The following RANBP17 variants were observed in gnomAD, a reference collection of about 807,000 sequenced individuals.
RANBP17 encodes RAN binding protein 17.
RANBP17 carries 158 observed loss-of-function variants against 141.2 expected under a neutral mutation model. The ratio of observed to expected loss-of-function variants is 1.12; its 90% CI spans 0.98 to 1.28. The LOEUF is 1.28. Ranked by LOEUF, RANBP17 falls within the 50% of genes most tolerant of loss-of-function variation. The pLI is 0.00. For synonymous variants in RANBP17, 430 were observed against 450.0 expected (o/e 0.96, Z 0.56); for missense variants, 1,438 against 1,290.7 (o/e 1.11, Z -1.75).
chr5:171,032,910 T>A (rs79084595), intron 14 of RANBP17, among the ~76,000 whole-genome samples: 4 of 152,304 alleles, frequency 2.6e-5, no homozygotes, highest in African/African-American at 9.6e-5. Context: ...GAAAATAAAC[T>A]TGGCAGTAAT....
intron 20 of RANBP17, chr5:171,206,067 G>A: frequency 3.6e-6 from 1 of 275,020 alleles, no homozygotes; most frequent in Non-Finnish European, 7.1e-6. Flanking sequence ...CATGGAAAGG[G>A]AAAAATAAAT....
At chr5:171,112,627 G>C (rs1349969516) in intron 14 of RANBP17, among the ~76,000 whole-genome samples, 1 of 151,896 alleles carries the variant, frequency 6.6e-6, no homozygotes, top group Admixed American at 6.6e-5. Flanking sequence ...AGCAGAACAA[G>C]AGGTGATTTT....
intron 19 of RANBP17, among the ~76,000 whole-genome samples, chr5:171,200,705 CA>C (rs1048793074): frequency 6.6e-6 from 1 of 151,844 alleles, no homozygotes; most frequent in Admixed American, 6.6e-5. Flanking sequence ...AAAACAAAAA[CA>C]AAAAAACTAA....
At chr5:171,052,993 T>C (rs78749521) in intron 14 of RANBP17, among the ~76,000 whole-genome samples, 1 of 24,052 alleles carries the variant, frequency 4.2e-5, no homozygotes, top group Non-Finnish European at 1.2e-4. Flanking sequence ...GCTACTTTCA[T>C]ATTTTTATTA....
rs371430856 is a variant in RANBP17 at position 171,170,093 on chromosome 5, A to G, written c.1711-37A>G. On this transcript the variant is annotated intron_variant, in intron 14 of 27. Coordinates refer to ENST00000523189, the MANE Select transcript of RANBP17 (RefSeq NM_022897.5). Reference sequence around the variant, plus strand: ...AATAGTCTTTTGAAAATATATGTTAATAGTAAAACTTTTAACAATGAAATG... The same window carrying G: ...AATAGTCTTTTGAAAATATATGTTAGTAGTAAAACTTTTAACAATGAAATG... The G allele has an allele frequency of 8.1e-6, 9 of 1,108,904 alleles. No homozygotes were observed. In the African/African-American group the frequency reaches 1.4e-4, roughly 18 times the overall value. The allele number at this position is 1,108,904 out of a possible 1,614,324, so 68.7% of individuals were successfully genotyped here. A position where few individuals can be genotyped will look rare whatever the true frequency, so the allele number is the denominator to read the frequency against.
chr5:170,912,762 A>G, intron 7 of RANBP17, among the ~76,000 whole-genome samples: 1 of 151,872 alleles, frequency 6.6e-6, no homozygotes, highest in South Asian at 2.1e-4. Context: ...TAGGAGTTCT[A>G]GAAAGAGAGG....
At chr5:171,259,442 A>G (rs1446549723) in intron 24 of RANBP17, among the ~76,000 whole-genome samples, 1 of 152,264 alleles carries the variant, frequency 6.6e-6, no homozygotes, top group Non-Finnish European at 1.5e-5. Context: ...CAGTATTCAC[A>G]GTAGCAAAGA....
chr5:171,120,986 G>T (rs939686338), intron 14 of RANBP17, among the ~76,000 whole-genome samples: 1 of 152,170 alleles, frequency 6.6e-6, no homozygotes, highest in African/African-American at 2.4e-5. Context: ...ATTCTGTGTA[G>T]CTTCTTTAGC....
Position 170,878,145 on chromosome 5 carries a change from G to T in RANBP17, c.67G>T (p.Asp23Tyr), listed in dbSNP as rs776717122. Residue 23 changes from aspartate to tyrosine, a missense_variant, in exon 2 of 28, where the codon GAT becomes TAT. By Grantham distance (160) the Asp-to-Tyr change is radical. Transcript: ENST00000523189. ...ATGTACTCATCTCTACATAGGGACT[G>T]ATCTTACACAAAGAATAGAGGCTGA... ...VLCTHLYIGT[D>Y]LTQRIEAEKA... The T allele has an allele frequency of 6.2e-7, 1 of 1,612,538 alleles. No individual in the cohort carries two copies. Among genetic ancestry groups the T allele is most frequent in the African/African-American group, 1.3e-5 (1 of 74,984 alleles).
intron 25 of RANBP17, among the ~76,000 whole-genome samples, chr5:171,281,784 A>G (rs1298138333): frequency 1.3e-5 from 2 of 152,240 alleles, no homozygotes; most frequent in Non-Finnish European, 2.9e-5. Context: ...TGAAATATAC[A>G]CAGGTGAAAG....
chr5:171,150,763 A>G (rs1758416208), intron 14 of RANBP17, among the ~76,000 whole-genome samples: 1 of 152,190 alleles, frequency 6.6e-6, no homozygotes, highest in South Asian at 2.1e-4. Flanking sequence ...CCAAGAGATG[A>G]TTCTGTGATC....
intron 14 of RANBP17, among the ~76,000 whole-genome samples, chr5:171,061,792 G>A (rs1379438569): frequency 2.0e-5 from 3 of 152,162 alleles, no homozygotes; most frequent in Non-Finnish European, 4.4e-5. Context: ...TAATGTGTGG[G>A]AGTCTAAGTC....
At chr5:171,250,742 A>G (rs1371683278) in intron 24 of RANBP17, among the ~76,000 whole-genome samples, 1 of 152,202 alleles carries the variant, frequency 6.6e-6, no homozygotes, top group African/African-American at 2.4e-5. Context: ...GAAAAAAGAC[A>G]AAGAAGGTCA....
At chr5:171,134,212 G>C (rs943406853) in intron 14 of RANBP17, among the ~76,000 whole-genome samples, 8 of 152,276 alleles carry the variant, frequency 5.3e-5, no homozygotes, top group African/African-American at 1.7e-4. Flanking sequence ...GTGTAGAAAT[G>C]CCTTCCATGA....
At chr5:171,051,578 G>T (rs1248793256) in intron 14 of RANBP17, among the ~76,000 whole-genome samples, 1 of 151,934 alleles carries the variant, frequency 6.6e-6, no homozygotes, top group Non-Finnish European at 1.5e-5. Flanking sequence ...TCTTTTTATG[G>T]CTGAATACTA....
Position 171,299,073 on chromosome 5 carries a change from G to A in RANBP17, c.*215G>A, listed in dbSNP as rs1768996537. The A allele has an allele frequency of 2.2e-6, 1 of 447,598 alleles. No individual in the cohort carries two copies. Among genetic ancestry groups the A allele is most frequent in the African/African-American group, 2.0e-5 (1 of 50,804 alleles). The allele number at this position is 447,598 out of a possible 1,614,324, so 27.7% of individuals were successfully genotyped here. On this transcript the variant is annotated 3_prime_UTR_variant, in exon 28 of 28. Transcript: ENST00000523189. ...GTCTTTTCTCTGAAAAGCAAAGGATGTGTTTTCAGTCTTTCTATCAAATAT... is the reference window on the plus strand; with the variant it reads ...GTCTTTTCTCTGAAAAGCAAAGGATATGTTTTCAGTCTTTCTATCAAATAT...
At chr5:171,248,218 T>A (rs528179407) in intron 24 of RANBP17, among the ~76,000 whole-genome samples, 3 of 151,876 alleles carry the variant, frequency 2.0e-5, no homozygotes, top group East Asian at 1.9e-4. Context: ...TACAAAAAAA[T>A]TAGCTGGGCG....
intron 24 of RANBP17, among the ~76,000 whole-genome samples, chr5:171,259,945 C>T (rs1766179664): frequency 6.6e-6 from 1 of 151,758 alleles, no homozygotes; most frequent in Non-Finnish European, 1.5e-5. Context: ...TGCGCCACTG[C>T]ACTGCAACCT....
chr5:171,058,151 A>C (rs1454863750), intron 14 of RANBP17, among the ~76,000 whole-genome samples: 1 of 151,726 alleles, frequency 6.6e-6, no homozygotes, highest in Non-Finnish European at 1.5e-5. Flanking sequence ...CACTAATAAA[A>C]TGTATTTTTT....
Sources: allele counts gnomAD v4.1 joint callset (sites outside exome capture counted in the v4.1 genomes callset), GRCh38; gene constraint gnomAD v4.1.1; transcripts MANE v1.5; gene names NCBI Gene and HGNC (gene_info 2026-07-23, HGNC 2026-07-21).